LINGO2: variants seen among roughly 807,000 people sequenced by gnomAD.
LINGO2 encodes leucine-rich repeat and immunoglobulin-like domain-containing nogo receptor-interacting protein 2.
LINGO2 carries 14 observed loss-of-function variants against 30.6 expected under a neutral mutation model. That is an observed-to-expected ratio of 0.46 (90% CI 0.30 to 0.72). The LOEUF (loss-of-function observed/expected upper bound fraction) is 0.72. LINGO2 is among the 30% of genes least tolerant of loss of function. The probability of loss-of-function intolerance (pLI) is 0.07; values close to 1 mark genes in which losing one functional copy is unlikely to be tolerated. For missense variants in LINGO2, 729 were observed against 751.7 expected (o/e 0.97, Z 0.35); for synonymous variants, 317 against 288.5 (o/e 1.10, Z -1.00).
chr9:27,999,990 C>T (rs780359694), intron 5 of LINGO2, among the ~76,000 whole-genome samples: 65 of 152,244 alleles, frequency 4.3e-4, no homozygotes, highest in South Asian at 6.2e-4. Flanking sequence ...ATTGTTGTTA[C>T]GGTACTTGAA....
At chr9:28,243,469 A>AG (rs1554691899) in intron 4 of LINGO2, among the ~76,000 whole-genome samples, 9 of 145,190 alleles carry the variant, frequency 6.2e-5, no homozygotes, top group Admixed American at 2.1e-4. Context: ...AAAAATAAAA[A>AG]AAGAAGAAGA....
intron 1 of LINGO2, among the ~76,000 whole-genome samples, chr9:28,614,096 T>C (rs1826034841): frequency 6.6e-6 from 1 of 152,144 alleles, no homozygotes; most frequent in Non-Finnish European, 1.5e-5. Flanking sequence ...AAAATGCCTC[T>C]CTTGATCATT....
At chr9:27,974,469 A>G (rs907289868) in intron 5 of LINGO2, among the ~76,000 whole-genome samples, 1 of 152,060 alleles carries the variant, frequency 6.6e-6, no homozygotes, top group East Asian at 1.9e-4. Context: ...TCACCTTCCT[A>G]TTGAGTCACC....
chr9:28,891,558 T>G, the LINGO2 span, among the ~76,000 whole-genome samples: 2 of 151,968 alleles, frequency 1.3e-5, no homozygotes, highest in Non-Finnish European at 2.9e-5. Context: ...ATTGTCATTA[T>G]AATGAAGTCT....
intron 2 of LINGO2, among the ~76,000 whole-genome samples, chr9:28,438,855 G>GAT (rs997082722): frequency 3.6e-5 from 5 of 138,986 alleles, no homozygotes; most frequent in Admixed American, 7.2e-5. Flanking sequence ...TATATAATGA[G>GAT]ATATATATAT....
At chr9:28,787,315 T>G in the LINGO2 span, among the ~76,000 whole-genome samples, 1 of 152,172 alleles carries the variant, frequency 6.6e-6, no homozygotes, top group Non-Finnish European at 1.5e-5. Context: ...TTGCATGATA[T>G]TATATTCGAT....
chr9:29,191,550 A>G, the LINGO2 span, among the ~76,000 whole-genome samples: 2 of 151,816 alleles, frequency 1.3e-5, no homozygotes, highest in Non-Finnish European at 2.9e-5. Context: ...GGTGCTAATT[A>G]TTATTATTAC....
chr9:28,977,848 G>A, the LINGO2 span, among the ~76,000 whole-genome samples: 2 of 152,040 alleles, frequency 1.3e-5, no homozygotes, highest in African/African-American at 2.4e-5. Flanking sequence ...GGTTCACTGC[G>A]AGCTGAATTC....
intron 3 of LINGO2, among the ~76,000 whole-genome samples, chr9:28,335,952 A>G (rs1221176029): frequency 6.6e-6 from 1 of 152,100 alleles, no homozygotes; most frequent in African/African-American, 2.4e-5. Flanking sequence ...ATCAATGCTC[A>G]GTAGTATAAT....
chr9:29,206,354 T>A, the LINGO2 span, among the ~76,000 whole-genome samples: 1 of 152,182 alleles, frequency 6.6e-6, no homozygotes, highest in Non-Finnish European at 1.5e-5. Flanking sequence ...GCTGAACCAG[T>A]TTACAATGAC....
At chr9:28,384,180 G>A (rs1472899771) in intron 2 of LINGO2, among the ~76,000 whole-genome samples, 1 of 151,158 alleles carries the variant, frequency 6.6e-6, no homozygotes, top group East Asian at 1.9e-4. Flanking sequence ...ATAATATAAT[G>A]AGCAAACCTG....
At chr9:28,706,980 T>G in the LINGO2 span, among the ~76,000 whole-genome samples, 6 of 152,092 alleles carry the variant, frequency 3.9e-5, no homozygotes, top group African/African-American at 1.2e-4. Flanking sequence ...GGAACCTTAT[T>G]TAATCATTCC....
At chr9:28,579,051 C>T (rs1053802922) in intron 1 of LINGO2, among the ~76,000 whole-genome samples, 2 of 77,042 alleles carry the variant, frequency 2.6e-5, no homozygotes, top group African/African-American at 8.6e-5. Flanking sequence ...ATATTTAAAT[C>T]ATAAGAGCTC....
chr9:28,692,066 G>A, the LINGO2 span, among the ~76,000 whole-genome samples: 1 of 152,078 alleles, frequency 6.6e-6, no homozygotes, highest in South Asian at 2.1e-4. Flanking sequence ...ATGGAATGAG[G>A]TTGCAAAGAA....
In LINGO2 at chr9:28,281,227, T is replaced by G. The variant is rs187542453; in HGVS notation, c.-87+13981A>C. ...TCTGCTAGCAGGAAGATAACTTTATTTTTTTAAAAATTAATAAAATGTGTA... is the reference window on the plus strand; with the variant it reads ...TCTGCTAGCAGGAAGATAACTTTATGTTTTTAAAAATTAATAAAATGTGTA... On this transcript the variant is annotated intron_variant, in intron 4 of 5. Transcript: ENST00000379992. Among the ~76,000 whole-genome samples the G allele has an allele frequency of 6.0e-3, 919 of 152,180 alleles. 5 individuals are homozygous for G. Among genetic ancestry groups the G allele is most frequent in the Non-Finnish European group, 0.01 (709 of 67,970 alleles).
chr9:28,044,874 A>AAAGGT (rs1824347415), intron 4 of LINGO2, among the ~76,000 whole-genome samples: 2 of 152,140 alleles, frequency 1.3e-5, no homozygotes, highest in Admixed American at 1.3e-4. Flanking sequence ...TTCTGTACTT[A>AAAGGT]GAAAATTTCA....
intron 4 of LINGO2, among the ~76,000 whole-genome samples, chr9:28,274,554 T>C (rs535304260): frequency 4.6e-5 from 7 of 152,334 alleles, no homozygotes; most frequent in Non-Finnish European, 1.0e-4. Context: ...TAAAATTAGA[T>C]TTATCTATCA....
At chr9:28,681,255 C>T in the LINGO2 span, among the ~76,000 whole-genome samples, 32 of 151,948 alleles carry the variant, frequency 2.1e-4, no homozygotes, top group Admixed American at 1.4e-3. Context: ...TCATGTATCA[C>T]ACACCCTGCT....
the LINGO2 span, among the ~76,000 whole-genome samples, chr9:28,952,660 T>C: frequency 6.6e-6 from 1 of 152,056 alleles, no homozygotes; most frequent in South Asian, 2.1e-4. Flanking sequence ...TCGAGACCTA[T>C]GGCCCCCTGA....
Sources: gnomAD v4.1 joint callset for allele counts (sites outside exome capture counted in the v4.1 genomes callset) on GRCh38, gnomAD v4.1.1 for gene constraint, MANE v1.5 for transcripts, NCBI Gene and HGNC (gene_info 2026-07-23, HGNC 2026-07-21) for gene names.